Variants in DICER1 observed in about 807,000 individuals in gnomAD.
DICER1 encodes dicer 1, ribonuclease III.
A neutral mutation model predicts 194.1 loss-of-function variants in DICER1; 43 were observed. That is an observed-to-expected ratio of 0.22 (90% confidence interval 0.17 to 0.29). The LOEUF is 0.29. DICER1 is among the 10% of genes least tolerant of loss of function. The pLI is 1.00. For synonymous variants in DICER1, 832 were observed against 820.5 expected (o/e 1.01, Z -0.24); for missense variants, 1,608 against 2,317.0 (o/e 0.69, Z 6.28).
chr14:95,104,019 G>C lies in DICER1; in HGVS notation c.3377C>G (p.Thr1126Arg). 6.2e-7 allele frequency: 1 copy of C among 1,614,126 alleles called. No homozygotes were observed. Among genetic ancestry groups the C allele is most frequent in the South Asian group, 1.1e-5 (1 of 91,078 alleles). Residue 1126 changes from threonine to arginine, a missense_variant, in exon 21 of 27, where the codon ACA (threonine) becomes AGA (arginine). Physicochemically the swap from Thr to Arg is moderately conservative, Grantham distance 71. Transcript: ENST00000343455. ...AENDNYCKHS[T>R]IVPENAAHQG... ...ATGTGCAGCATTTTCAGGGACAATT[G>C]TGCTGTGCTTACAGTAATTATCATT...
At chr14:95,129,060 G>A (rs1361857636) in intron 6 of DICER1, 1 of 158,926 alleles carries the variant, frequency 6.3e-6, no homozygotes, top group Non-Finnish European at 1.4e-5. Context: ...AAACAAAGGG[G>A]TATTTCCAAA....
intron 22 of DICER1, among the ~76,000 whole-genome samples, chr14:95,097,696 T>C (rs896671234): frequency 2.0e-5 from 3 of 152,214 alleles, no homozygotes; most frequent in African/African-American, 4.8e-5. Context: ...AACTTTCCAG[T>C]GTTCTGACAA....
At chr14:95,096,801 T>A (rs919722801) in intron 22 of DICER1, 88 bp from the exon 23 acceptor site, 8 of 1,432,552 alleles carry the variant, frequency 5.6e-6, no homozygotes, top group South Asian at 1.4e-5. Flanking sequence ...GGGTTATGGA[T>A]AATTTCAAAT....
chr14:95,117,505 A>C, intron 9 of DICER1, 117 bp downstream of exon 9: 4 of 1,109,842 alleles, frequency 3.6e-6, no homozygotes, highest in Non-Finnish European at 5.4e-6. Context: ...GAAGTATTCT[A>C]TAATACAAAA....
At position 95,089,416 on chromosome 14, in the gene DICER1, T is replaced by A. The variant is rs1889597041; in HGVS notation, c.*1082A>T. On this transcript the variant is annotated 3_prime_UTR_variant, in exon 27 of 27. Transcript: ENST00000343455. ...GAGGAGACTAAGGGTAAAGGTGCTG[T>A]GTTTTGCTTCTTAAATAAGTAACCA... 2 of 232,964 alleles carry A rather than the reference T, an allele frequency of 8.6e-6. No individual in the cohort carries two copies. The highest frequency in any genetic ancestry group is 1.7e-5 in the Non-Finnish European group (2 of 117,880). 14.4% of individuals were successfully genotyped at this position (232,964 alleles called of 1,614,324 possible).
At chr14:95,132,158 C>A (rs927786903) in intron 3 of DICER1, among the ~76,000 whole-genome samples, 1 of 152,076 alleles carries the variant, frequency 6.6e-6, no homozygotes, top group African/African-American at 2.4e-5. Flanking sequence ...AACTGATTAG[C>A]AAAATCATAA....
intron 22 of DICER1, 84 bp from the exon 23 acceptor site, chr14:95,096,797 T>C (rs1890397873): frequency 1.4e-6 from 2 of 1,455,040 alleles, no homozygotes; most frequent in South Asian, 1.4e-5. Context: ...GCAAGGGTTA[T>C]GGATAATTTC....
At chr14:95,145,684 A>C (rs996468480) in intron 1 of DICER1, among the ~76,000 whole-genome samples, 1 of 152,190 alleles carries the variant, frequency 6.6e-6, no homozygotes, top group Non-Finnish European at 1.5e-5. Flanking sequence ...AGAAAAAAAA[A>C]ACAATAATTT....
intron 1 of DICER1, among the ~76,000 whole-genome samples, chr14:95,147,979 G>A (rs1026808372): frequency 6.6e-6 from 1 of 152,222 alleles, no homozygotes; most frequent in Non-Finnish European, 1.5e-5. Context: ...TGGGAGGATC[G>A]CTTGAGGCCA....
At chr14:95,121,808 C>A (rs1020877904) in intron 8 of DICER1, among the ~76,000 whole-genome samples, 2 of 152,100 alleles carry the variant, frequency 1.3e-5, no homozygotes, top group Admixed American at 6.5e-5. Flanking sequence ...AACTTAGAAA[C>A]CCCTATGTAA....
chr14:95,130,696 G>A (rs73331543), intron 4 of DICER1, among the ~76,000 whole-genome samples: 5,227 of 152,196 alleles, frequency 0.034, 324 homozygotes, highest in African/African-American at 0.12. Flanking sequence ...GTGAGGAAGC[G>A]CCTCTTAATC....
intron 24 of DICER1, 31 bp downstream of exon 24, chr14:95,093,857 T>G (rs368886315): frequency 6.8e-6 from 11 of 1,613,210 alleles, no homozygotes; most frequent in African/African-American, 6.7e-5. Flanking sequence ...GTTAGACCAC[T>G]TTTTTCAACA....
At chr14:95,148,589 G>A (rs572486780) in intron 1 of DICER1, among the ~76,000 whole-genome samples, 48 of 152,264 alleles carry the variant, frequency 3.2e-4, no homozygotes, top group East Asian at 5.8e-4. Context: ...AATATGTTAT[G>A]TTTAGATTTC....
rs1216288256 is a variant in DICER1, at chr14:95,089,697, A to G, written c.*801T>C. On this transcript the variant is annotated 3_prime_UTR_variant, in exon 27 of 27. Coordinates refer to ENST00000343455, the MANE Select transcript of DICER1 (RefSeq NM_177438.3). ...ACAGAAATTTTAGTATGATCCTGTA[A>G]TAAGTTACAACTATACTAGTGAGTT... The G allele has an allele frequency of 4.3e-6, 1 of 231,672 alleles. No individual in the cohort carries two copies. Among genetic ancestry groups the G allele is most frequent in the Non-Finnish European group, 8.5e-6 (1 of 117,004 alleles). 14.4% of individuals were successfully genotyped at this position (231,672 alleles called of 1,614,324 possible).
At chr14:95,107,373 C>T (rs2140014073) in intron 17 of DICER1, among the ~76,000 whole-genome samples, 1 of 152,012 alleles carries the variant, frequency 6.6e-6, no homozygotes, top group Non-Finnish European at 1.5e-5. Flanking sequence ...GCCTCAGCCT[C>T]CCGAGTAACT....
chr14:95,146,401 C>T (rs1448457532), intron 1 of DICER1, among the ~76,000 whole-genome samples: 7 of 152,130 alleles, frequency 4.6e-5, no homozygotes, highest in African/African-American at 1.7e-4. Context: ...TGCATACTCA[C>T]AAACCAATCA....
chr14:95,154,824 C>T (rs909725582), intron 1 of DICER1, among the ~76,000 whole-genome samples: 40 of 145,194 alleles, frequency 2.8e-4, no homozygotes, highest in African/African-American at 1.0e-3. Flanking sequence ...TAGTTGTACA[C>T]TTAAAATGGT....
chr14:95,108,007 T>C lies in DICER1; in HGVS notation c.2523A>G (p.Gln841=), dbSNP rs1891604387. ...GAAGTCTTGTAATCAACTCAAGCAT[T>C]TGTAGAGACAACATGAAACCAGACT... ...LKKSGFMLSL[Q]MLELITRLHQ... is the part of the protein sequence containing the mutation. Residue 841 remains glutamine (Q), a synonymous_variant, in exon 16 of 27, where the codon CAA becomes CAG. Coordinates refer to ENST00000343455, the MANE Select transcript of DICER1 (RefSeq NM_177438.3). 6.2e-7 allele frequency: 1 copy of C among 1,613,606 alleles called. No homozygotes were observed. Among genetic ancestry groups the C allele is most frequent in the Non-Finnish European group, 8.5e-7 (1 of 1,179,522 alleles).
In DICER1 at chr14:95,109,493, T is replaced by C. The variant is rs147873155; in HGVS notation, c.2257-990A>G. 4.6e-4 allele frequency among the ~76,000 whole-genome samples: 70 copies of C among 152,304 alleles called. 1 individual carries two copies. In the East Asian group the frequency reaches 8.9e-3, roughly 19 times the overall value. On this transcript the variant is annotated intron_variant, in intron 14 of 26. Coordinates refer to ENST00000343455, the MANE Select transcript of DICER1 (RefSeq NM_177438.3). ...AAGTGATCCTCCTGCCTCAGCCTCC[T>C]AAAATGCTGGGATCACAGGTGTGAA... is the stretch of plus-strand genomic sequence containing the variant.
Sources: gnomAD v4.1 joint callset for allele counts (sites outside exome capture counted in the v4.1 genomes callset) on GRCh38, gnomAD v4.1.1 for gene constraint, MANE v1.5 for transcripts, NCBI Gene and HGNC (gene_info 2026-07-23, HGNC 2026-07-21) for gene names.